Variants in CSMD1 observed in about 807,000 individuals in gnomAD.
CSMD1 encodes CUB and sushi domain-containing protein 1.
CSMD1 carries 213 observed loss-of-function variants against 417.5 expected under a neutral mutation model. The observed-to-expected ratio is 0.51, with a 90% CI of 0.46 to 0.57. The LOEUF is 0.57. CSMD1 is among the 20% of genes least tolerant of loss of function. CSMD1 has a pLI of 0.00. For synonymous variants in CSMD1, 2,862 were observed against 1,736.8 expected (o/e 1.65, Z -16.11); for missense variants, 6,923 against 4,529.7 (o/e 1.53, Z -15.17).
At chr8:3,335,376 T>G (rs1343438478) in intron 23 of CSMD1, among the ~76,000 whole-genome samples, 1 of 152,108 alleles carries the variant, frequency 6.6e-6, no homozygotes, top group Non-Finnish European at 1.5e-5. Context: ...GTCTCACATT[T>G]CATATAAGAA....
chr8:3,751,119 A>G (rs911524776), intron 6 of CSMD1, among the ~76,000 whole-genome samples: 3 of 152,130 alleles, frequency 2.0e-5, no homozygotes, highest in Admixed American at 1.3e-4. Flanking sequence ...TGGTAATGAA[A>G]AAAAGGTAAC....
At position 2,970,100 on chromosome 8, in the gene CSMD1, A is replaced by G. The variant is rs547580865; in HGVS notation, c.8923+3017T>C. 2.8e-4 allele frequency among the ~76,000 whole-genome samples: 43 copies of G among 152,324 alleles called. 2 individuals carry two copies. In the South Asian group the frequency reaches 8.3e-3, roughly 29 times the overall value. Reference sequence around the variant, plus strand: ...TTTAGAAAGCAAAATAAAATTTTTAAAAATACTTTGCATTGCCTGAGTTAG... The same window carrying G: ...TTTAGAAAGCAAAATAAAATTTTTAGAAATACTTTGCATTGCCTGAGTTAG... On this transcript the variant is annotated intron_variant, in intron 57 of 69. Coordinates refer to ENST00000635120, the MANE Select transcript of CSMD1 (RefSeq NM_033225.6).
At chr8:4,009,786 A>C (rs922238601) in intron 4 of CSMD1, among the ~76,000 whole-genome samples, 2 of 152,032 alleles carry the variant, frequency 1.3e-5, no homozygotes, top group Non-Finnish European at 2.9e-5. Context: ...AGAGACATGG[A>C]CCATTCCTGC....
intron 12 of CSMD1, among the ~76,000 whole-genome samples, chr8:3,457,910 C>A (rs1341488285): frequency 6.6e-6 from 1 of 152,058 alleles, no homozygotes; most frequent in African/African-American, 2.4e-5. Context: ...AGGAAGGCAG[C>A]CATATGGCTG....
intron 7 of CSMD1, among the ~76,000 whole-genome samples, chr8:3,673,568 G>A (rs79607274): frequency 1.3e-5 from 2 of 152,144 alleles, no homozygotes; most frequent in African/African-American, 2.4e-5. Flanking sequence ...TACCCTCTCA[G>A]TATGCACATA....
At chr8:3,082,930 G>A (rs78179358) in intron 49 of CSMD1, among the ~76,000 whole-genome samples, 32 of 152,182 alleles carry the variant, frequency 2.1e-4, no homozygotes, top group East Asian at 9.7e-4. Flanking sequence ...GAACATCTGC[G>A]GGAAAAATAA....
chr8:4,065,770 A>T (rs1361806059), intron 3 of CSMD1, among the ~76,000 whole-genome samples: 1 of 152,316 alleles, frequency 6.6e-6, no homozygotes, highest in East Asian at 1.9e-4. Context: ...TATTTGGGGA[A>T]CTACAGCAAA....
At chr8:3,668,099 G>T (rs1229261780) in intron 7 of CSMD1, among the ~76,000 whole-genome samples, 1 of 152,130 alleles carries the variant, frequency 6.6e-6, no homozygotes, top group Non-Finnish European at 1.5e-5. Context: ...CCCTGGGCTA[G>T]AAGGCAATGG....
At chr8:2,965,186 A>C (rs1803850024) in intron 59 of CSMD1, among the ~76,000 whole-genome samples, 1 of 151,886 alleles carries the variant, frequency 6.6e-6, no homozygotes, top group South Asian at 2.1e-4. Flanking sequence ...AGCCAAGCCC[A>C]CTCACTCTGC....
At chr8:4,387,614 T>G (rs990456649) in intron 3 of CSMD1, among the ~76,000 whole-genome samples, 8 of 144,816 alleles carry the variant, frequency 5.5e-5, no homozygotes, top group African/African-American at 2.1e-4. Context: ...TTGGAAGTAT[T>G]TTTAAGAATT....
chr8:4,947,098 A>T (rs944862408), intron 1 of CSMD1, among the ~76,000 whole-genome samples: 2 of 152,216 alleles, frequency 1.3e-5, no homozygotes, highest in Non-Finnish European at 2.9e-5. Flanking sequence ...GTAGTTACAT[A>T]GTCATCTATA....
intron 52 of CSMD1, among the ~76,000 whole-genome samples, chr8:3,014,120 G>A (rs1282444369): frequency 1.3e-5 from 2 of 152,026 alleles, no homozygotes; most frequent in African/African-American, 2.4e-5. Context: ...GTGAGAATTT[G>A]AGATCCTGAA....
chr8:2,973,426 A>G (rs1464375696), intron 56 of CSMD1, 127 bp from the exon 57 acceptor site: 1 of 885,514 alleles, frequency 1.1e-6, no homozygotes, highest in Admixed American at 2.4e-5. Flanking sequence ...GTTACACAAC[A>G]TTCTGCAATC....
chr8:4,128,520 C>G (rs1802899786), intron 3 of CSMD1, among the ~76,000 whole-genome samples: 1 of 152,180 alleles, frequency 6.6e-6, no homozygotes, highest in African/African-American at 2.4e-5. Flanking sequence ...ATTGCTTACT[C>G]AAACCCCCTC....
intron 3 of CSMD1, among the ~76,000 whole-genome samples, chr8:4,186,202 G>A (rs928451170): frequency 2.6e-5 from 4 of 152,112 alleles, no homozygotes; most frequent in African/African-American, 4.8e-5. Flanking sequence ...GAACATTGTG[G>A]AACACTGGAA....
chr8:4,787,209 C>G, intron 1 of CSMD1: 1 of 471,588 alleles, frequency 2.1e-6, no homozygotes, highest in Non-Finnish European at 4.0e-6. Context: ...CGGGGCCCCG[C>G]CAGGGGGCGC....
intron 3 of CSMD1, among the ~76,000 whole-genome samples, chr8:4,294,068 A>C (rs1797531245): frequency 6.6e-6 from 1 of 152,204 alleles, no homozygotes; most frequent in African/African-American, 2.4e-5. Flanking sequence ...TATTGCACCG[A>C]AATACTGCGA....
At chr8:4,509,227 C>A (rs977523602) in intron 2 of CSMD1, among the ~76,000 whole-genome samples, 1 of 152,006 alleles carries the variant, frequency 6.6e-6, no homozygotes, top group African/African-American at 2.4e-5. Flanking sequence ...AAGTTTACTG[C>A]ATATTAAAGA....
intron 10 of CSMD1, among the ~76,000 whole-genome samples, chr8:3,507,310 C>T (rs1028265699): frequency 8.5e-5 from 13 of 152,232 alleles, no homozygotes; most frequent in African/African-American, 3.1e-4. Context: ...TAGCTTCATC[C>T]ATGTCCCTAA....
Sources: gnomAD v4.1 joint callset for allele counts (sites outside exome capture counted in the v4.1 genomes callset) on GRCh38, gnomAD v4.1.1 for gene constraint, MANE v1.5 for transcripts, NCBI Gene and HGNC (gene_info 2026-07-23, HGNC 2026-07-21) for gene names.